Variants in N4BP1 observed in about 807,000 individuals in gnomAD.
N4BP1 encodes NEDD4-binding protein 1.
A neutral mutation model predicts 70.9 loss-of-function variants in N4BP1; 21 were observed. The ratio of observed to expected loss-of-function variants is 0.30; its 90% confidence interval spans 0.21 to 0.43. The LOEUF is 0.43. Ranked by LOEUF, N4BP1 falls within the 20% of genes least tolerant of loss-of-function variation. The probability of loss-of-function intolerance (pLI) is 1.00; values close to 1 mark genes in which losing one functional copy is unlikely to be tolerated. For missense variants in N4BP1, 936 were observed against 1,069.4 expected, an observed-to-expected ratio of 0.88 and a Z score of 1.74; for synonymous variants, 387 against 394.6, an observed-to-expected ratio of 0.98 and a Z score of 0.23.
chr16:48,574,797 T>C (rs531220068), intron 1 of N4BP1, among the ~76,000 whole-genome samples: 1 of 152,314 alleles, frequency 6.6e-6, no homozygotes, highest in East Asian at 1.9e-4. Flanking sequence ...CAGGGGAATA[T>C]GTTCAGACAT....
At chr16:48,572,942 G>A (rs1597101557) in intron 1 of N4BP1, among the ~76,000 whole-genome samples, 1 of 151,056 alleles carries the variant, frequency 6.6e-6, no homozygotes, top group Non-Finnish European at 1.5e-5. Flanking sequence ...GCCAGCCTGG[G>A]CAATACAAAA....
At position 48,543,159 on chromosome 16, in the gene N4BP1, C is replaced by T. The variant is rs533936254; in HGVS notation, c.2436G>A (p.Pro812=). Residue 812 remains proline (P), a synonymous_variant, in exon 7 of 7, where the codon CCG becomes CCA. Transcript: ENST00000262384. ...TTGAAGGGGCTCCCTGAATCCGGGT[C>T]GGAGGCTGGTGGCTGGTGCTGGCTG... ...TQAASTSHQP[P]TRIQGAPSSH... 51 of 1,602,238 alleles carry T rather than the reference C, an allele frequency of 3.2e-5. No individual in the cohort carries two copies. Among genetic ancestry groups the T allele is most frequent in the Middle Eastern group, 1.7e-4 (1 of 6,020 alleles).
In N4BP1 at chr16:48,561,039, G is replaced by C; in HGVS notation, c.1604C>G (p.Pro535Arg). The C allele has an allele frequency of 6.2e-7, 1 of 1,613,946 alleles. No homozygotes were observed. Residue 535 changes from proline (P) to arginine (R), a missense_variant, in exon 2 of 7, where the codon CCA (proline) becomes CGA (arginine). Around this residue, in one of 4 missense-constraint regions of N4BP1, gnomAD observed 515 missense variants for 491.7 expected, o/e 1.05. Transcript: ENST00000262384. ...TTCACAGGCAGATTTCATATTATTT[G>C]GAAGCAAGGGTTCTGGCTGCTGGTG... ...GLHQQPEPLL[P>R]NNMKSACEKR...
chr16:48,601,382 T>C (rs1964495790), intron 1 of N4BP1, among the ~76,000 whole-genome samples: 1 of 152,226 alleles, frequency 6.6e-6, no homozygotes, highest in Non-Finnish European at 1.5e-5. Context: ...AAAGTTATTA[T>C]GTAGTTTTCC....
chr16:48,578,635 G>A (rs1964134022), intron 1 of N4BP1, among the ~76,000 whole-genome samples: 1 of 152,168 alleles, frequency 6.6e-6, no homozygotes, highest in African/African-American at 2.4e-5. Flanking sequence ...CAGTACCAAA[G>A]TTCTGAAAAC....
chr16:48,549,383 T>C (rs755442429), intron 4 of N4BP1, among the ~76,000 whole-genome samples: 1 of 152,180 alleles, frequency 6.6e-6, no homozygotes, highest in Non-Finnish European at 1.5e-5. Flanking sequence ...TGAGTTCATG[T>C]ACCATGAATG....
Position 48,543,220 on chromosome 16 carries a change from A to C in N4BP1, c.2375T>G (p.Met792Arg). 1 of 1,556,868 alleles carries C rather than the reference A, an allele frequency of 6.4e-7. No individual in the cohort carries two copies. Among genetic ancestry groups the C allele is most frequent in the African/African-American group, 1.4e-5 (1 of 73,424 alleles). The stretch of plus-strand genomic sequence containing the variant: ...AGGGACTCTGAAGCTGGGGTCAAAC[A>C]TGCCCACATTTGGCAGGGCACTGAG... ...PLLSALPNVG[M>R]FDPSFRVPGT... Residue 792 changes from methionine (M) to arginine (R), a missense_variant, in exon 7 of 7, where the codon ATG (methionine) becomes AGG (arginine). By Grantham distance (91) the Met-to-Arg change is moderately conservative (BLOSUM62 -1). This residue lies in a region of N4BP1 where 229 missense variants were observed against 343.5 expected (regional missense o/e 0.67). Transcript: ENST00000262384.
At chr16:48,574,191 T>A (rs1964060882) in intron 1 of N4BP1, among the ~76,000 whole-genome samples, 1 of 152,192 alleles carries the variant, frequency 6.6e-6, no homozygotes, top group Admixed American at 6.5e-5. Context: ...ACTACTTGAT[T>A]TTCTGTTTTA....
chr16:48,566,136 T>C (rs1265741994), intron 1 of N4BP1, among the ~76,000 whole-genome samples: 3 of 152,132 alleles, frequency 2.0e-5, no homozygotes, highest in African/African-American at 7.2e-5. Flanking sequence ...ATTTTCCTTC[T>C]GCTTGCTTTG....
chr16:48,608,871 A>T lies in N4BP1; in HGVS notation c.198+904T>A, dbSNP rs552677578. On this transcript the variant is annotated intron_variant, in intron 1 of 6. Transcript: ENST00000262384. The stretch of plus-strand genomic sequence containing the variant: ...CTGTGATGTTCTTAAGCGTTATGTA[A>T]ATGTTAGTTGTAGGTAATATCAATA... 3.9e-5 allele frequency among the ~76,000 whole-genome samples: 6 copies of T among 152,036 alleles called. 1 individual carries two copies. The highest frequency in any genetic ancestry group is 3.9e-4 in the Admixed American group (6 of 15,270).
At chr16:48,590,884 AG>A (rs1023838543) in intron 1 of N4BP1, among the ~76,000 whole-genome samples, 4 of 151,818 alleles carry the variant, frequency 2.6e-5, no homozygotes, top group African/African-American at 9.7e-5. Context: ...CTTAATTAGT[AG>A]GAAGAGTCTT....
rs1963488241 is a variant in N4BP1, at chr16:48,540,885, G to A, written c.*2019C>T. 6.6e-6 allele frequency: 1 copy of A among 152,178 alleles called. No individual in the cohort carries two copies. Among genetic ancestry groups the A allele is most frequent in the Admixed American group, 6.5e-5 (1 of 15,286 alleles). 9.4% of individuals were successfully genotyped at this position (152,178 alleles called of 1,614,324 possible). ...TAAATATTAAATATCAGGGGTTTCG[G>A]AAGGAATGATGAATTCCGTCTCATG... is the stretch of plus-strand genomic sequence containing the variant. On this transcript the variant is annotated 3_prime_UTR_variant, in exon 7 of 7. Transcript: ENST00000262384.
intron 6 of N4BP1, among the ~76,000 whole-genome samples, chr16:48,544,894 C>A (rs1412576223): frequency 6.6e-6 from 1 of 152,196 alleles, no homozygotes; most frequent in Non-Finnish European, 1.5e-5. Flanking sequence ...AGAGGGAGAG[C>A]TCTCACACAT....
chr16:48,548,196 C>G, intron 4 of N4BP1, 82 bp from the exon 5 acceptor site: 1 of 818,630 alleles, frequency 1.2e-6, no homozygotes, highest in East Asian at 2.5e-5. Context: ...AGAATATTTC[C>G]TCTTCATAGG....
At chr16:48,575,392 C>T (rs973764799) in intron 1 of N4BP1, among the ~76,000 whole-genome samples, 39 of 152,154 alleles carry the variant, frequency 2.6e-4, no homozygotes, top group African/African-American at 9.2e-4. Context: ...GCATGATATA[C>T]ATGATATATA....
At position 48,551,445 on chromosome 16, in the gene N4BP1, T is replaced by G. The variant is rs952066770; in HGVS notation, c.2058A>C (p.Ile686=). Residue 686 remains isoleucine, a synonymous_variant, in exon 4 of 7, where the codon ATA becomes ATC. Transcript: ENST00000262384. The part of the protein sequence containing the change: ...HFLTQLQELG[I]LSLTPARMVF... ...CCATCCGGGCAGGAGTTAAAGATAA[T>G]ATTCCGAGCTCCTGGAGCTGGGTTA... The G allele has an allele frequency of 6.2e-7, 1 of 1,613,542 alleles. No homozygotes were observed.
At position 48,557,319 on chromosome 16, in the gene N4BP1, C is replaced by T. The variant is rs1597094342; in HGVS notation, c.1889+3435G>A. Among the ~76,000 whole-genome samples, 3 of 152,112 alleles carry T rather than the reference C, an allele frequency of 2.0e-5. 1 individual carries two copies. The highest frequency in any genetic ancestry group is 4.1e-4 in the South Asian group (2 of 4,822). ...CCCAAGACTTAAGTATCCAATGATG[C>T]GTTGGCCTGAAAATTCCAACCTTAA... is the stretch of plus-strand genomic sequence containing the variant. On this transcript the variant is annotated intron_variant, in intron 2 of 6. Transcript: ENST00000262384.
At chr16:48,598,400 A>G (rs1387725807) in intron 1 of N4BP1, among the ~76,000 whole-genome samples, 2 of 152,150 alleles carry the variant, frequency 1.3e-5, no homozygotes, top group African/African-American at 2.4e-5. Flanking sequence ...CTTCCAGGAA[A>G]ATTTTTAAGG....
intron 5 of N4BP1, 115 bp downstream of exon 5, chr16:48,547,892 T>C: frequency 1.4e-6 from 1 of 694,824 alleles, no homozygotes; most frequent in Non-Finnish European, 2.5e-6. Context: ...TTTGGTCCCC[T>C]ATATTGCCTT....
Sources: allele counts gnomAD v4.1 joint callset (sites outside exome capture counted in the v4.1 genomes callset), GRCh38; gene constraint gnomAD v4.1.1; regional missense constraint gnomAD v4.1.1; transcripts MANE v1.5; gene names NCBI Gene and HGNC (gene_info 2026-07-23, HGNC 2026-07-21).